Variants in UGT3A2 observed in about 807,000 individuals in gnomAD.
UGT3A2 encodes UDP glycosyltransferase family 3 member A2, also known as UDP-glycosyltransferase 3A2.
Under a neutral mutation model 39.8 loss-of-function variants are expected in UGT3A2, and 32 were observed. The observed-to-expected ratio is 0.80, with a 90% CI of 0.61 to 1.08. UGT3A2 has a LOEUF of 1.08. Among genes scored for constraint, UGT3A2 ranks in the 50% least tolerant of loss-of-function variants. The pLI, the probability that UGT3A2 is intolerant of heterozygous loss-of-function variation, is 0.00. For missense variants in UGT3A2, 611 were observed against 637.1 expected, an observed-to-expected ratio of 0.96 and a Z score of 0.44; for synonymous variants, 241 against 230.7, an observed-to-expected ratio of 1.04 and a Z score of -0.40.
chr5:36,038,296 C>G (rs538434763), intron 5 of UGT3A2, among the ~76,000 whole-genome samples: 14 of 152,350 alleles, frequency 9.2e-5, no homozygotes, highest in Admixed American at 7.8e-4. Context: ...GCATACATCT[C>G]TCTGTCCATC....
At chr5:36,041,076 G>C (rs1741991230) in intron 4 of UGT3A2, among the ~76,000 whole-genome samples, 1 of 151,534 alleles carries the variant, frequency 6.6e-6, no homozygotes, top group African/African-American at 2.4e-5. Context: ...CCTGAAGGGA[G>C]AGACCTAAGC....
At chr5:36,063,644 A>G (rs1485104815) in intron 2 of UGT3A2, among the ~76,000 whole-genome samples, 59 of 152,190 alleles carry the variant, frequency 3.9e-4, no homozygotes, top group Non-Finnish European at 5.9e-5. Flanking sequence ...ATCTATATAC[A>G]GAGAGTCTTT....
At chr5:36,064,153 A>C in intron 2 of UGT3A2, 96 bp downstream of exon 2, 1 of 1,134,118 alleles carries the variant, frequency 8.8e-7, no homozygotes, top group Non-Finnish European at 1.3e-6. Flanking sequence ...CAATTGAATT[A>C]GATTTTTAAA....
At chr5:36,037,706 A>C in intron 6 of UGT3A2, 91 bp downstream of exon 6, 1 of 1,430,972 alleles carries the variant, frequency 7.0e-7, no homozygotes, top group Non-Finnish European at 9.6e-7. Flanking sequence ...AAAGCAAAAC[A>C]AAACAAAACC....
intron 3 of UGT3A2, among the ~76,000 whole-genome samples, chr5:36,050,268 C>A (rs931553555): frequency 2.6e-5 from 4 of 152,056 alleles, no homozygotes; most frequent in African/African-American, 4.8e-5. Context: ...AGGGACGATT[C>A]TTTTGCAATG....
chr5:36,051,547 A>G (rs1243745655), intron 3 of UGT3A2, among the ~76,000 whole-genome samples: 2 of 152,246 alleles, frequency 1.3e-5, no homozygotes, highest in Non-Finnish European at 2.9e-5. Context: ...CAATTGTTGT[A>G]GGTGAAGTGT....
In UGT3A2 at chr5:36,048,871, T is replaced by C. The variant is rs1742246614; in HGVS notation, c.843+18A>G. 3 of 1,607,998 alleles carry C rather than the reference T, an allele frequency of 1.9e-6. No individual in the cohort carries two copies. The highest frequency in any genetic ancestry group is 2.6e-6 in the Non-Finnish European group (3 of 1,176,190). The stretch of plus-strand genomic sequence containing the variant: ...GCCTCTGCGTGAATCCCAAACTGAA[T>C]GCTGAGGGTTCACTTACTTGTGGTA... On this transcript the variant is annotated intron_variant, in intron 4 of 6. Coordinates refer to ENST00000282507, the MANE Select transcript of UGT3A2 (RefSeq NM_174914.4).
chr5:36,056,679 G>A (rs140681970), intron 2 of UGT3A2, among the ~76,000 whole-genome samples: 1 of 152,282 alleles, frequency 6.6e-6, no homozygotes, highest in Non-Finnish European at 1.5e-5. Flanking sequence ...CCATACAATT[G>A]GCTTTCTCTA....
At chr5:36,043,841 T>C (rs1387208257) in intron 4 of UGT3A2, among the ~76,000 whole-genome samples, 4 of 151,984 alleles carry the variant, frequency 2.6e-5, no homozygotes, top group Non-Finnish European at 5.9e-5. Flanking sequence ...CAATAACAAG[T>C]AACGAGACTA....
In UGT3A2 at chr5:36,035,529, A is replaced by G. The variant is rs573045972; in HGVS notation, c.*169T>C. The G allele has an allele frequency of 2.9e-4, 290 of 988,928 alleles. No individual in the cohort carries two copies. Among genetic ancestry groups the G allele is most frequent in the Non-Finnish European group, 1.7e-4 (114 of 682,552 alleles). The allele number at this position is 988,928 out of a possible 1,614,324, so 61.3% of individuals were successfully genotyped here. A position where few individuals can be genotyped will look rare whatever the true frequency, so the allele number is the denominator to read the frequency against. On this transcript the variant is annotated 3_prime_UTR_variant, in exon 7 of 7. Coordinates refer to ENST00000282507, the MANE Select transcript of UGT3A2 (RefSeq NM_174914.4). ...CAGGAGCTAGTAAGGATGAATTTGT[A>G]GCAAAATTAGCAAGTGGAAAGGATG...
Position 36,035,725 on chromosome 5 carries a change from A to G in UGT3A2, c.1545T>C (p.Arg515=). 1 of 1,614,098 alleles carries G rather than the reference A, an allele frequency of 6.2e-7. No homozygotes were observed. Among genetic ancestry groups the G allele is most frequent in the Non-Finnish European group, 8.5e-7 (1 of 1,180,016 alleles). ...ATGTCTCCTTCACCTTTCTGGCCCCACGCAGCCACCAGACAGCCATGCCCA... is the reference window on the plus strand; with the variant it reads ...ATGTCTCCTTCACCTTTCTGGCCCCGCGCAGCCACCAGACAGCCATGCCCA... ...KLLGMAVWWL[R]GARKVKET is the part of the protein sequence containing the mutation. Residue 515 remains arginine, a synonymous_variant, in exon 7 of 7, where the codon CGT becomes CGC. Transcript: ENST00000282507.
At position 36,066,772 on chromosome 5, in the gene UGT3A2, C is replaced by T. The variant is rs776226730; in HGVS notation, c.18G>A (p.Val6=). ...GGAGAAGGAAGCCCACTAGAAGAAG[C>T]ACTCGCTGCCCAGCCATGCTCACTT... is the stretch of plus-strand genomic sequence containing the variant. The part of the protein sequence containing the change: MAGQR[V]LLLVGFLLPG... Residue 6 remains valine, a synonymous_variant, in exon 1 of 7, where the codon GTG becomes GTA. Transcript: ENST00000282507. 12 of 1,614,106 alleles carry T rather than the reference C, an allele frequency of 7.4e-6. No homozygotes were observed. Among genetic ancestry groups the T allele is most frequent in the Admixed American group, 1.7e-5 (1 of 60,004 alleles).
At chr5:36,056,991 T>C (rs1413799236) in intron 2 of UGT3A2, among the ~76,000 whole-genome samples, 2 of 152,240 alleles carry the variant, frequency 1.3e-5, no homozygotes, top group Non-Finnish European at 2.9e-5. Flanking sequence ...AATCTCCAGT[T>C]CTACTCACAG....
chr5:36,042,694 T>C (rs1561490488), intron 4 of UGT3A2, among the ~76,000 whole-genome samples: 2 of 152,002 alleles, frequency 1.3e-5, no homozygotes, highest in African/African-American at 4.8e-5. Context: ...TAGGAAAAGA[T>C]ATTCCATGAA....
intron 6 of UGT3A2, 70 bp from the exon 7 acceptor site, chr5:36,036,044 T>TA: frequency 4.5e-6 from 7 of 1,547,642 alleles, no homozygotes; most frequent in Non-Finnish European, 6.2e-6. Context: ...TGATCCGTTC[T>TA]ATATGATGCA....
At position 36,039,650 on chromosome 5, in the gene UGT3A2, C is replaced by T. The variant is rs1580996737; in HGVS notation, c.902G>A (p.Gly301Asp). Residue 301 changes from glycine to aspartate, a missense_variant, in exon 5 of 7, where the codon GGC (glycine) becomes GAC (aspartate). Gly to Asp is a moderately conservative substitution (Grantham distance 94). Coordinates refer to ENST00000282507, the MANE Select transcript of UGT3A2 (RefSeq NM_174914.4). ...GDSGFVLVTL[G>D]SMVNTCQNPE... ...ATTCTGACAGGTGTTCACCATGGAG[C>T]CCAAGGTCACAAGGACAAAACCAGA... The T allele has an allele frequency of 6.2e-7, 1 of 1,614,076 alleles. No individual in the cohort carries two copies. The highest frequency in any genetic ancestry group is 1.1e-5 in the South Asian group (1 of 91,084).
chr5:36,055,905 T>A (rs1198285512), intron 2 of UGT3A2, among the ~76,000 whole-genome samples: 4 of 152,214 alleles, frequency 2.6e-5, no homozygotes, highest in African/African-American at 4.8e-5. Flanking sequence ...CGGAAATAGA[T>A]ATTTTATTTT....
At chr5:36,046,339 G>A (rs1742164895) in intron 4 of UGT3A2, among the ~76,000 whole-genome samples, 1 of 152,202 alleles carries the variant, frequency 6.6e-6, no homozygotes, top group South Asian at 2.1e-4. Flanking sequence ...ATTCGCTGTA[G>A]CCAAGATATG....
intron 1 of UGT3A2, 149 bp downstream of exon 1, chr5:36,066,547 T>C: frequency 6.7e-7 from 1 of 1,483,488 alleles, no homozygotes; most frequent in Non-Finnish European, 9.3e-7. Context: ...GCCCCACAGC[T>C]GAATGGGCTT....
Sources: gnomAD v4.1 joint callset for allele counts (sites outside exome capture counted in the v4.1 genomes callset) on GRCh38, gnomAD v4.1.1 for gene constraint, MANE v1.5 for transcripts, NCBI Gene and HGNC (gene_info 2026-07-23, HGNC 2026-07-21) for gene names.